Variants in VPS33B observed in about 807,000 individuals in gnomAD.
VPS33B encodes VPS33B late endosome and lysosome associated.
Under a neutral mutation model 95.3 loss-of-function variants are expected in VPS33B, and 80 were observed. That is an observed-to-expected ratio of 0.84 (90% CI 0.70 to 1.01). The LOEUF (loss-of-function observed/expected upper bound fraction) is 1.01. Among genes scored for constraint, VPS33B ranks in the 50% least tolerant of loss-of-function variants. The pLI, the probability that VPS33B is intolerant of heterozygous loss-of-function variation, is 0.00. For missense variants in VPS33B, 715 were observed against 773.4 expected (o/e 0.92, Z 0.90); for synonymous variants, 280 against 280.4 (o/e 1.00, Z 0.01).
intron 2 of VPS33B, among the ~76,000 whole-genome samples, 194 bp downstream of exon 2, chr15:91,017,609 CAG>C (rs1372682637): frequency 2.0e-5 from 3 of 151,100 alleles, no homozygotes; most frequent in Non-Finnish European, 3.0e-5. Context: ...GCCTGGGCAA[CAG>C]AGAGAGACTC....
At position 91,005,224 on chromosome 15, in the gene VPS33B, G is replaced by T. The variant is rs532698659; in HGVS notation, c.1106-105C>A. 1 of 1,611,740 alleles carries T rather than the reference G, an allele frequency of 6.2e-7. No homozygotes were observed. The highest frequency in any genetic ancestry group is 2.2e-5 in the East Asian group (1 of 44,854). Reference sequence around the variant, plus strand: ...CATCTCTTTCTCCATCCTTGGGGTGGGTTAAGGGACCCCCAGGACTTCTAG... The same window carrying T: ...CATCTCTTTCTCCATCCTTGGGGTGTGTTAAGGGACCCCCAGGACTTCTAG... On this transcript the variant is annotated intron_variant, in intron 14 of 22. Coordinates refer to ENST00000333371, the MANE Select transcript of VPS33B (RefSeq NM_018668.5). The surrounding 1 kb of genome is among the most constrained non-coding windows in gnomAD (Gnocchi z 6.4).
rs2151662321 is a variant in VPS33B, at chr15:90,999,804, C to A, written c.1658-11G>T. 1 of 1,614,138 alleles carries A rather than the reference C, an allele frequency of 6.2e-7. No individual in the cohort carries two copies. Among genetic ancestry groups the A allele is most frequent in the South Asian group, 1.1e-5 (1 of 91,068 alleles). On this transcript the variant is annotated splice_polypyrimidine_tract_variant and intron_variant, in intron 21 of 22. Transcript: ENST00000333371. This position sits in a 1 kb window ranked among gnomAD's most constrained non-coding sequence, Gnocchi z 5.1. ...CTTCCTTAGTCATATCTGTGAGGAT[C>A]AGACCAGATTCAGCCCTTCCCTGAC... is the stretch of plus-strand genomic sequence containing the variant.
Position 91,006,504 on chromosome 15 carries a change from C to G in VPS33B, c.779-59G>C. ...CAATGAGGACTTCTCCTACCATTCC[C>G]TGAACTGCCATAAAGGTCCTCAAAC... On this transcript the variant is annotated intron_variant, in intron 10 of 22. Coordinates refer to ENST00000333371, the MANE Select transcript of VPS33B (RefSeq NM_018668.5). The surrounding 1 kb of genome is among the most constrained non-coding windows in gnomAD (Gnocchi z 5.4). 1 of 1,612,468 alleles carries G rather than the reference C, an allele frequency of 6.2e-7. No individual in the cohort carries two copies. Among genetic ancestry groups the G allele is most frequent in the Non-Finnish European group, 8.5e-7 (1 of 1,178,522 alleles).
intron 15 of VPS33B, 57 bp from the exon 16 acceptor site, chr15:91,004,988 C>T: frequency 1.2e-6 from 2 of 1,614,216 alleles, no homozygotes; most frequent in Non-Finnish European, 1.7e-6. Flanking sequence ...TGTTCTTTTC[C>T]TTCTGCTTAA....
Position 91,017,867 on chromosome 15 carries a change from A to C in VPS33B, c.115T>G (p.Leu39Val). 6.2e-7 allele frequency: 1 copy of C among 1,614,116 alleles called. No homozygotes were observed. The highest frequency in any genetic ancestry group is 8.5e-7 in the Non-Finnish European group (1 of 1,179,986). ...LLEQLPGKKDLFIEADLMSPL... is the reference protein window; with the variant it reads ...LLEQLPGKKDVFIEADLMSPL... The stretch of plus-strand genomic sequence containing the variant: ...CTCATGAGATCTGCCTCAATGAATA[A>C]ATCCTTTTTTCCAGGAAGCTGAAGG... Residue 39 changes from leucine (L) to valine (V), a missense_variant, in exon 2 of 23, where the codon TTA becomes GTA. Physicochemically the swap from Leu to Val is conservative, Grantham distance 32. Coordinates refer to ENST00000333371, the MANE Select transcript of VPS33B (RefSeq NM_018668.5).
chr15:91,013,090 TCACTGGAAAGC>T lies in VPS33B; in HGVS notation c.357+703_357+713del, dbSNP rs949747390. 5.3e-5 allele frequency among the ~76,000 whole-genome samples: 8 copies of T among 152,112 alleles called. No individual in the cohort carries two copies. Among genetic ancestry groups the T allele is most frequent in the African/African-American group, 1.9e-4 (8 of 41,398 alleles). On this transcript the variant is annotated intron_variant, in intron 5 of 22. Transcript: ENST00000333371. The surrounding 1 kb of genome is among the most constrained non-coding windows in gnomAD (Gnocchi z 4.5). The stretch of plus-strand genomic sequence containing the variant: ...TTCTTAAAGGGATACAGGGAGAAAG[TCACTGGAAAGC>T]CGTAACATTGTGCACCATTACTATA...
chr15:90,999,093 A>G lies in VPS33B; in HGVS notation c.1775-39T>C, dbSNP rs755830888. On this transcript the variant is annotated intron_variant, in intron 22 of 22. Transcript: ENST00000333371. This position sits in a 1 kb window ranked among gnomAD's most constrained non-coding sequence, Gnocchi z 5.1. ...TGCAGCAGCAGAAGAGACAGCACAG[A>G]TCTTAGGCCCCAACGGCAACCCATA... 1.2e-6 allele frequency: 2 copies of G among 1,606,870 alleles called. No individual in the cohort carries two copies. The highest frequency in any genetic ancestry group is 2.7e-5 in the African/African-American group (2 of 74,934).
chr15:91,007,522 T>G lies in VPS33B; in HGVS notation c.550A>C (p.Ser184Arg), dbSNP rs766874578. The part of the protein sequence containing the change: ...NTVAQALHLL[S>R]TLYGPFPNCY... ...TTTGGAAAGGGTCCATAGAGAGTGC[T>G]GAGAAGGTGTAAGGCCTGAGCTACA... is the stretch of plus-strand genomic sequence containing the variant. The change falls in exon 8 of 23, where the codon AGC (serine) becomes CGC (arginine). Residue 184 changes from serine (S) to arginine (R), a missense_variant. Ser to Arg is a moderately radical substitution (Grantham distance 110). Transcript: ENST00000333371. The surrounding 1 kb of genome is among the most constrained non-coding windows in gnomAD (Gnocchi z 5.3). 5.0e-6 allele frequency: 8 copies of G among 1,614,138 alleles called. No homozygotes were observed. The highest frequency in any genetic ancestry group is 1.1e-5 in the South Asian group (1 of 91,086).
intron 1 of VPS33B, among the ~76,000 whole-genome samples, chr15:91,021,082 C>G (rs73497957): frequency 0.017 from 2,617 of 152,194 alleles, 79 homozygotes; most frequent in African/African-American, 0.058. Flanking sequence ...CCCATCAAAC[C>G]TGTTCCTTTT....
In VPS33B at chr15:91,006,071, G is replaced by C. The variant is rs778085671; in HGVS notation, c.853-12C>G. Reference sequence around the variant, plus strand: ...ATCTCATTAAACACCTGTGAGGACAGTAAGACAAGAACAGCTTACTCTGTC... The same window carrying C: ...ATCTCATTAAACACCTGTGAGGACACTAAGACAAGAACAGCTTACTCTGTC... On this transcript the variant is annotated splice_polypyrimidine_tract_variant and intron_variant, in intron 11 of 22. Transcript: ENST00000333371. This position sits in a 1 kb window ranked among gnomAD's most constrained non-coding sequence, Gnocchi z 5.4. The C allele has an allele frequency of 6.2e-7, 1 of 1,613,980 alleles. No individual in the cohort carries two copies. The highest frequency in any genetic ancestry group is 1.7e-5 in the Admixed American group (1 of 60,014).
rs753782249 is a variant in VPS33B at position 91,000,469 on chromosome 15, G to C, written c.1581+21C>G. On this transcript the variant is annotated intron_variant, in intron 20 of 22. Transcript: ENST00000333371. The surrounding 1 kb of genome is among the most constrained non-coding windows in gnomAD (Gnocchi z 4.9). ...CAGAGAGAATGAAATATGAATGGGA[G>C]CAAGAATTACATGCTCTCACCTGCT... The C allele has an allele frequency of 1.2e-6, 2 of 1,603,378 alleles. No homozygotes were observed. Among genetic ancestry groups the C allele is most frequent in the South Asian group, 2.2e-5 (2 of 90,756 alleles).
intron 16 of VPS33B, among the ~76,000 whole-genome samples, chr15:91,004,099 C>T (rs985436234): frequency 7.9e-5 from 12 of 152,002 alleles, no homozygotes; most frequent in African/African-American, 2.9e-4. Flanking sequence ...TAGCGTGCAT[C>T]TGTAGTCACA....
intron 16 of VPS33B, 80 bp from the exon 17 acceptor site, chr15:91,003,211 C>G (rs534219834): frequency 3.0e-6 from 4 of 1,350,228 alleles, no homozygotes; most frequent in Non-Finnish European, 4.3e-6. Context: ...CAACCAGCAA[C>G]GAACGCCTTC....
chr15:91,009,814 C>G lies in VPS33B; in HGVS notation c.390G>C (p.Glu130Asp). The stretch of plus-strand genomic sequence containing the variant: ...ATCTCCTCTCACCTCCATAGATTCC[C>G]TCTTCCTCAAGCACCATCTCACACG... ...FYACEMVLEE[E>D]GIYGDVSCDE... is the part of the protein sequence containing the mutation. Residue 130 changes from glutamate to aspartate, a missense_variant, in exon 6 of 23, where the codon GAG becomes GAC. Glu to Asp is a conservative substitution (Grantham distance 45). Coordinates refer to ENST00000333371, the MANE Select transcript of VPS33B (RefSeq NM_018668.5). The surrounding 1 kb of genome is among the most constrained non-coding windows in gnomAD (Gnocchi z 4.1). The G allele has an allele frequency of 6.2e-7, 1 of 1,614,206 alleles. No homozygotes were observed. Among genetic ancestry groups the G allele is most frequent in the Non-Finnish European group, 8.5e-7 (1 of 1,180,036 alleles).
At chr15:91,022,079 G>T in intron 1 of VPS33B, 75 bp downstream of exon 1, 2 of 1,495,684 alleles carry the variant, frequency 1.3e-6, no homozygotes, top group Non-Finnish European at 1.8e-6. Flanking sequence ...GATCAAAGGG[G>T]CACGGCAAGG....
In VPS33B at chr15:91,007,027, C is replaced by T. The variant is rs1463961687; in HGVS notation, c.623G>A (p.Arg208Lys). Residue 208 changes from arginine to lysine, a missense_variant, in exon 9 of 23, where the codon AGG becomes AAG. Arg to Lys is a conservative substitution (Grantham distance 26, BLOSUM62 2). Coordinates refer to ENST00000333371, the MANE Select transcript of VPS33B (RefSeq NM_018668.5). The surrounding 1 kb of genome is among the most constrained non-coding windows in gnomAD (Gnocchi z 5.3). Reference protein sequence around the residue: ...RCAKMAYELWRNLEEEEDGET... With the variant: ...RCAKMAYELWKNLEEEEDGET... ...GCCATCCTCCTCCTCCTCCAGGTTCCTCCACAATTCATATGCCATCTGCCA... is the reference window on the plus strand; with the variant it reads ...GCCATCCTCCTCCTCCTCCAGGTTCTTCCACAATTCATATGCCATCTGCCA... The T allele has an allele frequency of 2.5e-6, 4 of 1,612,786 alleles. No individual in the cohort carries two copies. Among genetic ancestry groups the T allele is most frequent in the Non-Finnish European group, 2.5e-6 (3 of 1,180,026 alleles).
intron 5 of VPS33B, among the ~76,000 whole-genome samples, chr15:91,012,261 C>T (rs2040805410): frequency 6.6e-6 from 1 of 152,134 alleles, no homozygotes; most frequent in Non-Finnish European, 1.5e-5. Flanking sequence ...ATTGTGCTAT[C>T]AATGTTCAGG....
chr15:91,003,588 C>T (rs1234033423), intron 16 of VPS33B, among the ~76,000 whole-genome samples: 4 of 152,002 alleles, frequency 2.6e-5, no homozygotes, highest in Admixed American at 6.6e-5. Flanking sequence ...TACAGGCATG[C>T]GCCACCACAC....
chr15:91,003,286 T>G (rs749291877), intron 16 of VPS33B, among the ~76,000 whole-genome samples, 155 bp from the exon 17 acceptor site: 1 of 152,164 alleles, frequency 6.6e-6, no homozygotes, highest in Non-Finnish European at 1.5e-5. Flanking sequence ...AAATTTAAGC[T>G]TGCTTATTGA....
Sources: gnomAD v4.1 joint callset for allele counts (sites outside exome capture counted in the v4.1 genomes callset) on GRCh38, gnomAD v4.1.1 for gene constraint, Gnocchi (gnomAD v3.1) non-coding constraint, MANE v1.5 for transcripts, NCBI Gene and HGNC (gene_info 2026-07-23, HGNC 2026-07-21) for gene names.